The following ZC3H18 variants were observed in gnomAD, a reference collection of about 807,000 sequenced individuals.
ZC3H18 encodes zinc finger CCCH-type containing 18.
In ZC3H18, 8 loss-of-function variants were observed where a neutral mutation model predicts 106.1. The ratio of observed to expected loss-of-function variants is 0.08; its 90% CI spans 0.04 to 0.14. The LOEUF (loss-of-function observed/expected upper bound fraction) is 0.14, where lower values mean the gene tolerates loss of function less well. Among genes scored for constraint, ZC3H18 ranks in the 10% least tolerant of loss-of-function variants. The pLI is 1.00. For synonymous variants in ZC3H18, 635 were observed against 522.1 expected (o/e 1.22, Z -2.95); for missense variants, 1,318 against 1,278.4 (o/e 1.03, Z -0.47).
At chr16:88,591,743 C>A (rs62050302) in intron 3 of ZC3H18, among the ~76,000 whole-genome samples, 22,289 of 152,266 alleles carry the variant, frequency 0.15, 1,933 homozygotes, top group Non-Finnish European at 0.19. Flanking sequence ...TCAGCTCTTT[C>A]GCATGTGCCT....
chr16:88,624,373 A>G, intron 11 of ZC3H18: 1 of 709,018 alleles, frequency 1.4e-6, no homozygotes, highest in Non-Finnish European at 2.3e-6. Flanking sequence ...CGGTGCCTGT[A>G]GCTCTTGCCT....
chr16:88,611,310 C>T lies in ZC3H18; in HGVS notation c.1249C>T (p.Arg417Cys). 1.3e-6 allele frequency: 1 copy of T among 749,742 alleles called. No individual in the cohort carries two copies. Among genetic ancestry groups the T allele is most frequent in the Non-Finnish European group, 2.5e-6 (1 of 407,398 alleles). 46.4% of individuals were successfully genotyped at this position (749,742 alleles called of 1,614,324 possible). Residue 417 changes from arginine to cysteine, a missense_variant, in exon 8 of 18, where the codon CGC becomes TGC. Arg to Cys is a radical substitution (Grantham distance 180). This residue lies in a region of ZC3H18 where 848 missense variants were observed against 821.7 expected (regional missense o/e 1.03). Coordinates refer to ENST00000301011, the MANE Select transcript of ZC3H18 (RefSeq NM_144604.4). ...ERERENRQRE[R>C]ERERERDRER... The stretch of plus-strand genomic sequence containing the variant: ...AGAGAGAGAGAACAGACAGCGCGAG[C>T]GCGAGCGGGAGCGGGAGCGGGACCG...
chr16:88,620,623 G>T (rs1252802194), intron 8 of ZC3H18, among the ~76,000 whole-genome samples: 1 of 150,752 alleles, frequency 6.6e-6, no homozygotes, highest in Non-Finnish European at 1.5e-5. Flanking sequence ...TTATACAATT[G>T]CCAGGATTTT....
At position 88,628,326 on chromosome 16, in the gene ZC3H18, C is replaced by A. The variant is rs770056706; in HGVS notation, c.2469+207C>A. Among the ~76,000 whole-genome samples the A allele has an allele frequency of 5.5e-4, 84 of 152,302 alleles. 1 individual carries two copies. Among genetic ancestry groups the A allele is most frequent in the Middle Eastern group, 3.4e-3 (1 of 294 alleles). On this transcript the variant is annotated intron_variant, in intron 15 of 17. Transcript: ENST00000301011. ...AGCATCTGGGGAGGTTTGGGTGCTG[C>A]TGGCCTCTCTCTGAACAGAGAGGGC...
At chr16:88,617,931 TAC>T (rs1254673190) in intron 8 of ZC3H18, among the ~76,000 whole-genome samples, 3 of 152,382 alleles carry the variant, frequency 2.0e-5, no homozygotes, top group East Asian at 3.9e-4. Flanking sequence ...TGGGCCAGGC[TAC>T]ACAGTCTTCT....
intron 8 of ZC3H18, among the ~76,000 whole-genome samples, chr16:88,616,918 G>A (rs932030473): frequency 1.3e-5 from 2 of 152,088 alleles, no homozygotes; most frequent in African/African-American, 4.8e-5. Flanking sequence ...GGTCTGAAGC[G>A]CGGCCCAGGC....
intron 3 of ZC3H18, among the ~76,000 whole-genome samples, chr16:88,597,643 C>T (rs1017833905): frequency 2.0e-5 from 3 of 152,190 alleles, no homozygotes; most frequent in Non-Finnish European, 4.4e-5. Context: ...AGTGTAAAAG[C>T]CCGTTTCAGT....
At chr16:88,617,080 T>G (rs1363481183) in intron 8 of ZC3H18, among the ~76,000 whole-genome samples, 1 of 152,094 alleles carries the variant, frequency 6.6e-6, no homozygotes. Flanking sequence ...TGAGCCCCAA[T>G]AGGAAACACT....
chr16:88,619,680 C>T (rs772535982), intron 8 of ZC3H18, among the ~76,000 whole-genome samples: 5 of 152,178 alleles, frequency 3.3e-5, no homozygotes, highest in Non-Finnish European at 5.9e-5. Flanking sequence ...CATGCCGTGG[C>T]AGGGGGCAAG....
At chr16:88,580,188 GTGTGTGTGTGTGTGTGTGTGTATATGTA>G (rs1567577060) in intron 2 of ZC3H18, among the ~76,000 whole-genome samples, 1 of 77,882 alleles carries the variant, frequency 1.3e-5, no homozygotes. Flanking sequence ...GTGTGTGTGT[GTGTGTGTGTGTGTGTGTGTGTATATGTA>G]TATGTCTCTG....
At chr16:88,580,831 A>T (rs945728917) in intron 2 of ZC3H18, among the ~76,000 whole-genome samples, 9 of 152,162 alleles carry the variant, frequency 5.9e-5, no homozygotes, top group Non-Finnish European at 8.8e-5. Context: ...TGTCCGTTCT[A>T]GAAGACATTT....
At chr16:88,600,336 C>T (rs1018841776) in intron 6 of ZC3H18, among the ~76,000 whole-genome samples, 2 of 152,248 alleles carry the variant, frequency 1.3e-5, no homozygotes, top group African/African-American at 4.8e-5. Flanking sequence ...AGGAACACAA[C>T]AGCTGCGGCC....
At chr16:88,587,700 A>T in intron 3 of ZC3H18, 1 of 1,311,490 alleles carries the variant, frequency 7.6e-7, no homozygotes, top group African/African-American at 1.5e-5. Context: ...GATCCAGAAC[A>T]CAGCTGTGAA....
At chr16:88,623,621 G>T in intron 10 of ZC3H18, 1 of 577,640 alleles carries the variant, frequency 1.7e-6, no homozygotes, top group East Asian at 3.1e-5. Context: ...GCCGAGGAAG[G>T]GGCCAGACCC....
chr16:88,616,056 C>T (rs978690052), intron 8 of ZC3H18, among the ~76,000 whole-genome samples: 5 of 152,112 alleles, frequency 3.3e-5, no homozygotes, highest in African/African-American at 9.7e-5. Flanking sequence ...TGACGGATCC[C>T]AGGAGGCTTG....
chr16:88,607,167 T>C (rs1260321469), intron 6 of ZC3H18, among the ~76,000 whole-genome samples: 1 of 152,190 alleles, frequency 6.6e-6, no homozygotes, highest in African/African-American at 2.4e-5. Context: ...GAATCCCCTC[T>C]GTCCCTGAGA....
intron 1 of ZC3H18, among the ~76,000 whole-genome samples, chr16:88,573,966 C>T (rs945907337): frequency 6.6e-6 from 1 of 151,528 alleles, no homozygotes; most frequent in South Asian, 2.1e-4. Flanking sequence ...TCCGCCCCCC[C>T]GAGTTCAAGC....
chr16:88,612,302 A>T lies in ZC3H18; in HGVS notation c.1475+766A>T, dbSNP rs1905315967. On this transcript the variant is annotated intron_variant, in intron 8 of 17. Coordinates refer to ENST00000301011, the MANE Select transcript of ZC3H18 (RefSeq NM_144604.4). ...GCTGCAACATACCCATTTAAAGTGT[A>T]CAATCAGTGGTTTCTAGAATATTCA... Among the ~76,000 whole-genome samples, 2 of 152,140 alleles carry T rather than the reference A, an allele frequency of 1.3e-5. 1 individual carries two copies. Among genetic ancestry groups the T allele is most frequent in the South Asian group, 4.1e-4 (2 of 4,832 alleles).
chr16:88,576,204 A>G (rs1485010109), intron 1 of ZC3H18, among the ~76,000 whole-genome samples: 2 of 137,322 alleles, frequency 1.5e-5, no homozygotes, highest in African/African-American at 5.2e-5. Context: ...CCTGGCCTGA[A>G]TTTTAGTATT....
Sources: gnomAD v4.1 joint callset for allele counts (sites outside exome capture counted in the v4.1 genomes callset) on GRCh38, gnomAD v4.1.1 for gene constraint, gnomAD v4.1.1 regional missense constraint, MANE v1.5 for transcripts, NCBI Gene and HGNC (gene_info 2026-07-23, HGNC 2026-07-21) for gene names.